ANO10: variants seen among roughly 807,000 people sequenced by gnomAD.
The protein encoded by ANO10 is anoctamin-10.
Under a neutral mutation model 74.7 loss-of-function variants are expected in ANO10, and 77 were observed. The observed-to-expected ratio is 1.03, with a 90% CI of 0.86 to 1.25. The LOEUF is 1.25. Ranked by LOEUF, ANO10 falls within the 50% of genes most tolerant of loss-of-function variation. The pLI is 0.00. For synonymous variants in ANO10, 279 were observed against 284.9 expected, an observed-to-expected ratio of 0.98 and a Z score of 0.21; for missense variants, 721 against 778.1, an observed-to-expected ratio of 0.93 and a Z score of 0.87.
At chr3:43,530,721 G>A (rs114766097) in intron 11 of ANO10, among the ~76,000 whole-genome samples, 1 of 151,994 alleles carries the variant, frequency 6.6e-6, no homozygotes, top group South Asian at 2.1e-4. Context: ...TACTATTGTT[G>A]TTAATATCTT....
intron 11 of ANO10, among the ~76,000 whole-genome samples, chr3:43,510,256 C>G (rs2077458588): frequency 6.6e-6 from 1 of 151,914 alleles, no homozygotes; most frequent in South Asian, 2.1e-4. Context: ...ATGGTGAAAC[C>G]CCGTCTCTAC....
At chr3:43,660,490 G>C (rs931960327) in intron 1 of ANO10, among the ~76,000 whole-genome samples, 3 of 151,946 alleles carry the variant, frequency 2.0e-5, no homozygotes, top group Non-Finnish European at 4.4e-5. Context: ...CAGAAGAAAG[G>C]ATATCAGTGA....
At chr3:43,665,492 T>G (rs906381421) in intron 1 of ANO10, among the ~76,000 whole-genome samples, 7 of 152,178 alleles carry the variant, frequency 4.6e-5, no homozygotes, top group African/African-American at 1.7e-4. Flanking sequence ...CTGCACGTTC[T>G]GCACATGTAA....
At chr3:43,472,031 T>A (rs914190068) in intron 11 of ANO10, among the ~76,000 whole-genome samples, 1 of 152,148 alleles carries the variant, frequency 6.6e-6, no homozygotes, top group African/African-American at 2.4e-5. Flanking sequence ...CTGTGGTATA[T>A]CCACACGATA....
chr3:43,642,421 A>T (rs2083679606), intron 1 of ANO10, among the ~76,000 whole-genome samples: 1 of 152,178 alleles, frequency 6.6e-6, no homozygotes, highest in Non-Finnish European at 1.5e-5. Flanking sequence ...TTATCCTTAG[A>T]TCAAATCCAT....
At chr3:43,503,982 G>A (rs1343053516) in intron 11 of ANO10, among the ~76,000 whole-genome samples, 6 of 151,920 alleles carry the variant, frequency 3.9e-5, no homozygotes, top group African/African-American at 9.6e-5. Flanking sequence ...GTTGGGGATT[G>A]GCTGGGTGTG....
intron 1 of ANO10, among the ~76,000 whole-genome samples, chr3:43,682,543 C>A (rs2084215461): frequency 6.6e-6 from 1 of 152,078 alleles, no homozygotes; most frequent in African/African-American, 2.4e-5. Context: ...CTATTCCAAT[C>A]AATAGAAAAA....
intron 4 of ANO10, among the ~76,000 whole-genome samples, chr3:43,593,663 A>G (rs927523466): frequency 3.9e-5 from 6 of 152,300 alleles, no homozygotes; most frequent in African/African-American, 1.4e-4. Flanking sequence ...AACATGCCCA[A>G]CTGTAAAGAC....
In ANO10 at chr3:43,470,385, G is replaced by A. The variant is rs1219450736; in HGVS notation, c.1798-37658C>T. Among the ~76,000 whole-genome samples, 11 of 152,116 alleles carry A rather than the reference G, an allele frequency of 7.2e-5. 2 individuals are homozygous for A. Among genetic ancestry groups the A allele is most frequent in the South Asian group, 4.1e-4 (2 of 4,830 alleles). On this transcript the variant is annotated intron_variant, in intron 11 of 12. Transcript: ENST00000292246. ...TTTTTTCTTTTTGAGACGGAGTCTC[G>A]TTCTGTCGCCCAGGCTGGAGTGCAG...
chr3:43,620,130 G>A (rs1430138520), intron 1 of ANO10, among the ~76,000 whole-genome samples: 2 of 152,074 alleles, frequency 1.3e-5, no homozygotes, highest in Non-Finnish European at 2.9e-5. Flanking sequence ...GAGGAACACT[G>A]ATTTTTCACC....
At chr3:43,398,370 TTAG>T (rs2092420053) in intron 12 of ANO10, among the ~76,000 whole-genome samples, 2 of 152,344 alleles carry the variant, frequency 1.3e-5, no homozygotes, top group South Asian at 2.1e-4. Flanking sequence ...TTTTGATAAA[TTAG>T]TAGGTAACAA....
chr3:43,468,106 T>C (rs972124984), intron 11 of ANO10, among the ~76,000 whole-genome samples: 3 of 152,224 alleles, frequency 2.0e-5, no homozygotes, highest in African/African-American at 4.8e-5. Context: ...TTTCCTTTCA[T>C]AGCAAAATTA....
chr3:43,599,666 G>A (rs2082246484), intron 3 of ANO10, among the ~76,000 whole-genome samples: 1 of 152,086 alleles, frequency 6.6e-6, no homozygotes, highest in Admixed American at 6.6e-5. Context: ...AGCACTTTGG[G>A]AGGCCGAGGC....
intron 1 of ANO10, among the ~76,000 whole-genome samples, chr3:43,606,347 G>A (rs1158524783): frequency 1.3e-5 from 2 of 152,176 alleles, no homozygotes; most frequent in South Asian, 2.1e-4. Context: ...TTAACTTTGT[G>A]TAGGAGGAAA....
chr3:43,616,445 T>C (rs2083110991), intron 1 of ANO10, among the ~76,000 whole-genome samples: 1 of 152,236 alleles, frequency 6.6e-6, no homozygotes, highest in Non-Finnish European at 1.5e-5. Context: ...CTAGCCTTGC[T>C]ACAATCATGC....
intron 3 of ANO10, among the ~76,000 whole-genome samples, chr3:43,599,804 GC>G (rs1288384792): frequency 6.6e-6 from 1 of 151,974 alleles, no homozygotes; most frequent in Non-Finnish European, 1.5e-5. Flanking sequence ...TCCTTGGGAG[GC>G]TGAGGCAGGA....
intron 11 of ANO10, among the ~76,000 whole-genome samples, chr3:43,475,338 T>C (rs1248589238): frequency 6.6e-6 from 1 of 152,178 alleles, no homozygotes; most frequent in Non-Finnish European, 1.5e-5. Flanking sequence ...GTGTCATTCT[T>C]ATAGTCAAGG....
rs780981972 is a variant in ANO10 at position 43,600,428 on chromosome 3, C to G, written c.293G>C (p.Arg98Thr). Residue 98 changes from arginine (R) to threonine (T), a missense_variant, in exon 3 of 13, where the codon AGA becomes ACA. Transcript: ENST00000292246. Reference protein sequence around the residue: ...LVKECNDNTMRAFTYRTRQNF... With the variant: ...LVKECNDNTMTAFTYRTRQNF... ...CTGTCTGGTTCTGTATGTGAAGGCTCTCATGGTGTTATCATTGCACTCTTT... is the reference window on the plus strand; with the variant it reads ...CTGTCTGGTTCTGTATGTGAAGGCTGTCATGGTGTTATCATTGCACTCTTT... The G allele has an allele frequency of 6.2e-7, 1 of 1,614,088 alleles. No homozygotes were observed. The highest frequency in any genetic ancestry group is 8.5e-7 in the Non-Finnish European group (1 of 1,179,998).
chr3:43,644,010 CATTT>C (rs1216690835), intron 1 of ANO10, among the ~76,000 whole-genome samples: 4 of 152,102 alleles, frequency 2.6e-5, no homozygotes, highest in Non-Finnish European at 5.9e-5. Flanking sequence ...CCTGGTCTGT[CATTT>C]GTTTTTTGAC....
Sources: gnomAD v4.1 joint callset for allele counts (sites outside exome capture counted in the v4.1 genomes callset) on GRCh38, gnomAD v4.1.1 for gene constraint, MANE v1.5 for transcripts, NCBI Gene and HGNC (gene_info 2026-07-23, HGNC 2026-07-21) for gene names.